RTL4: variants seen among roughly 807,000 people sequenced by gnomAD.
RTL4 encodes the protein retrotransposon Gag-like protein 4.
In RTL4, 4 loss-of-function variants were observed where a neutral mutation model predicts 5.3. That is an observed-to-expected ratio of 0.75 (90% CI 0.37 to 1.72). The LOEUF is 1.72. Among genes scored for constraint, RTL4 ranks in the 40% most tolerant of loss-of-function variants. The pLI is 0.04. For synonymous variants in RTL4, 98 were observed against 87.3 expected (o/e 1.12, Z -0.68); for missense variants, 260 against 227.1 (o/e 1.14, Z -0.93).
the RTL4 span, among the ~76,000 whole-genome samples, chrX:112,383,657 C>A: frequency 8.9e-6 from 1 of 112,008 alleles, no homozygotes; most frequent in Admixed American, 9.5e-5. Context: ...GAATACTACA[C>A]AGCCATAAAA....
At chrX:112,328,917 A>G in the RTL4 span, among the ~76,000 whole-genome samples, 1 of 112,190 alleles carries the variant, frequency 8.9e-6, no homozygotes, top group Non-Finnish European at 1.9e-5. Flanking sequence ...TACTGGGTAC[A>G]TAACGAAATG....
chrX:112,361,640 A>G, the RTL4 span, among the ~76,000 whole-genome samples: 1 of 110,271 alleles, frequency 9.1e-6, no homozygotes, highest in African/African-American at 3.3e-5. Context: ...CATCTTTTCT[A>G]TCCGAGGGAG....
chrX:112,172,731 C>T, the RTL4 span, among the ~76,000 whole-genome samples: 1 of 111,111 alleles, frequency 9.0e-6, no homozygotes. Context: ...CTCACAATAG[C>T]AAAGACATGG....
the RTL4 span, among the ~76,000 whole-genome samples, chrX:112,346,173 TG>T: frequency 8.9e-6 from 1 of 112,045 alleles, no homozygotes; most frequent in Non-Finnish European, 1.9e-5. Flanking sequence ...ATGATTATGT[TG>T]TATTTTTATA....
the RTL4 span, among the ~76,000 whole-genome samples, chrX:112,257,528 C>T: frequency 1.8e-5 from 2 of 110,793 alleles, no homozygotes; most frequent in African/African-American, 6.6e-5. Flanking sequence ...ATGACAGAAA[C>T]GTATTGCTCA....
the RTL4 span, among the ~76,000 whole-genome samples, chrX:112,215,536 A>C: frequency 1.8e-5 from 2 of 112,170 alleles, no homozygotes; most frequent in Non-Finnish European, 3.8e-5. Flanking sequence ...ATATAAGTGG[A>C]GTCACACAAT....
the RTL4 span, among the ~76,000 whole-genome samples, chrX:112,245,983 T>C: frequency 4.4e-5 from 5 of 112,582 alleles, no homozygotes; most frequent in Non-Finnish European, 9.4e-5. Flanking sequence ...TGGAGTTTGC[T>C]GGAGGTCCAC....
the RTL4 span, among the ~76,000 whole-genome samples, chrX:112,441,753 T>C: frequency 8.0e-5 from 9 of 112,182 alleles, no homozygotes; most frequent in African/African-American, 2.9e-4. Context: ...ACACCTTAAA[T>C]ATATACAATT....
the RTL4 span, among the ~76,000 whole-genome samples, chrX:112,175,743 G>A: frequency 9.0e-6 from 1 of 110,649 alleles, no homozygotes; most frequent in Non-Finnish European, 1.9e-5. Flanking sequence ...AAAAATAAGA[G>A]CTATCTATCA....
the RTL4 span, among the ~76,000 whole-genome samples, chrX:112,389,346 A>G: frequency 9.2e-6 from 1 of 108,447 alleles, no homozygotes; most frequent in Non-Finnish European, 1.9e-5. Context: ...AAAAAAAAAA[A>G]CAACTCCTGG....
At chrX:112,259,151 G>C in the RTL4 span, among the ~76,000 whole-genome samples, 1 of 110,964 alleles carries the variant, frequency 9.0e-6, no homozygotes, top group African/African-American at 3.3e-5. Context: ...AAGTCCTGTT[G>C]GCATTTTCAT....
the RTL4 span, among the ~76,000 whole-genome samples, chrX:112,409,591 GGCACCTGTAATCCCA>G: frequency 1.6e-4 from 18 of 109,621 alleles, no homozygotes; most frequent in Non-Finnish European, 3.0e-4. Context: ...TGTGATGGCA[GGCACCTGTAATCCCA>G]GCTACTCAGG....
chrX:112,260,089 C>T, the RTL4 span, among the ~76,000 whole-genome samples: 1 of 111,371 alleles, frequency 9.0e-6, no homozygotes, highest in Admixed American at 9.6e-5. Context: ...TTTTTGATCC[C>T]CTTTGGATAG....
chrX:112,355,812 A>C, the RTL4 span, among the ~76,000 whole-genome samples: 5 of 111,589 alleles, frequency 4.5e-5, no homozygotes, highest in Non-Finnish European at 1.9e-5. Flanking sequence ...CCATCCTTAC[A>C]TGCATCTCTG....
the RTL4 span, among the ~76,000 whole-genome samples, chrX:112,217,048 G>A: frequency 8.9e-6 from 1 of 111,951 alleles, no homozygotes; most frequent in Admixed American, 9.5e-5. Context: ...ACATTCCTTG[G>A]CTAGAGGTTA....
chrX:112,317,330 T>C, the RTL4 span, among the ~76,000 whole-genome samples: 5 of 111,775 alleles, frequency 4.5e-5, no homozygotes, highest in Non-Finnish European at 9.4e-5. Flanking sequence ...AGAGACGTAA[T>C]TACCAAAGGC....
At chrX:112,133,785 T>C in the RTL4 span, among the ~76,000 whole-genome samples, 1 of 112,290 alleles carries the variant, frequency 8.9e-6, no homozygotes, top group African/African-American at 3.2e-5. Context: ...TGTAAAGTGA[T>C]TATCCCAGTG....
At chrX:112,244,915 G>T in the RTL4 span, among the ~76,000 whole-genome samples, 3 of 111,654 alleles carry the variant, frequency 2.7e-5, no homozygotes, top group Non-Finnish European at 5.6e-5. Context: ...CTCAGCATTT[G>T]CTTGTCTGTA....
the RTL4 span, among the ~76,000 whole-genome samples, chrX:112,304,089 G>A: frequency 9.0e-6 from 1 of 110,780 alleles, no homozygotes; most frequent in African/African-American, 3.3e-5. Context: ...TTGAAGTGAA[G>A]GACCTGGACC....
Sources: allele counts gnomAD v4.1 joint callset (sites outside exome capture counted in the v4.1 genomes callset), GRCh38; gene constraint gnomAD v4.1.1; transcripts MANE v1.5; gene names NCBI Gene and HGNC (gene_info 2026-07-23, HGNC 2026-07-21).